Variants in LMBR1 observed in about 807,000 individuals in gnomAD.
LMBR1 encodes limb development membrane protein 1.
Under a neutral mutation model 73.9 loss-of-function variants are expected in LMBR1, and 52 were observed. The observed-to-expected ratio is 0.70, with a 90% CI of 0.56 to 0.89. The LOEUF is 0.89. Among genes scored for constraint, LMBR1 ranks in the 40% least tolerant of loss-of-function variants. LMBR1 has a pLI of 0.00. For synonymous variants in LMBR1, 215 were observed against 209.4 expected (o/e 1.03, Z -0.23); for missense variants, 539 against 579.8 (o/e 0.93, Z 0.72).
chr7:156,726,488 T>A (rs1473292386), intron 12 of LMBR1, among the ~76,000 whole-genome samples: 1 of 152,028 alleles, frequency 6.6e-6, no homozygotes, highest in Non-Finnish European at 1.5e-5. Flanking sequence ...AAAGTTACTA[T>A]TTTTATAATT....
At chr7:156,863,296 G>A (rs1563563126) in intron 1 of LMBR1, among the ~76,000 whole-genome samples, 1 of 151,762 alleles carries the variant, frequency 6.6e-6, no homozygotes, top group African/African-American at 2.4e-5. Context: ...TCCAGCATGA[G>A]AGAAAGATGT....
chr7:156,706,158 T>TA (rs35109142), intron 15 of LMBR1, among the ~76,000 whole-genome samples: 10,549 of 133,364 alleles, frequency 0.079, 415 homozygotes, highest in East Asian at 0.15. Context: ...CAAAAACAGT[T>TA]AAAAAAAAAA....
At chr7:156,724,030 AT>A in intron 15 of LMBR1, 81 bp downstream of exon 15, 1 of 944,830 alleles carries the variant, frequency 1.1e-6, no homozygotes, top group Non-Finnish European at 1.6e-6. Context: ...GGTAATCTTT[AT>A]GAGTAAATGT....
chr7:156,858,093 T>TA (rs1341980045), intron 1 of LMBR1, among the ~76,000 whole-genome samples: 1 of 143,874 alleles, frequency 7.0e-6, no homozygotes, highest in Non-Finnish European at 1.5e-5. Context: ...AAAAAAAGTT[T>TA]AAAAAAAGCA....
intron 15 of LMBR1, among the ~76,000 whole-genome samples, chr7:156,720,860 T>C (rs373618623): frequency 2.6e-5 from 4 of 152,176 alleles, no homozygotes; most frequent in South Asian, 4.1e-4. Flanking sequence ...GCTAAGCCTC[T>C]GTGAAAGCAT....
intron 5 of LMBR1, among the ~76,000 whole-genome samples, chr7:156,771,952 A>C (rs2133063728): frequency 6.6e-6 from 1 of 152,252 alleles, no homozygotes; most frequent in South Asian, 2.1e-4. Flanking sequence ...AATAAATGTG[A>C]TTCATCAAAT....
chr7:156,824,678 C>CA (rs983711415), intron 4 of LMBR1, among the ~76,000 whole-genome samples: 7 of 151,360 alleles, frequency 4.6e-5, no homozygotes, highest in South Asian at 2.1e-4. Context: ...CCTGTCTCTA[C>CA]AAAAAAAACA....
At chr7:156,739,054 G>A (rs1818417115) in intron 9 of LMBR1, among the ~76,000 whole-genome samples, 1 of 152,126 alleles carries the variant, frequency 6.6e-6, no homozygotes, top group Non-Finnish European at 1.5e-5. Flanking sequence ...CTAGGCTATT[G>A]AACAGCATTT....
At chr7:156,805,319 C>T (rs144494579) in intron 4 of LMBR1, among the ~76,000 whole-genome samples, 4,855 of 150,620 alleles carry the variant, frequency 0.032, 122 homozygotes, top group South Asian at 0.084. Flanking sequence ...CAGGTTCAAG[C>T]GATTCTCCTG....
rs899857236 is a variant in LMBR1 at position 156,672,022 on chromosome 7, G to C, written n.867-2735C>G. Among the ~76,000 whole-genome samples, 24 of 151,724 alleles carry C rather than the reference G, an allele frequency of 1.6e-4. 1 individual carries two copies. The highest frequency in any genetic ancestry group is 1.8e-4 in the Non-Finnish European group (12 of 67,894). Reference sequence around the variant, plus strand: ...CTTGTGGAAAGGAATATTTGCGTCTGCCATGCTAGGTTTTCTTCTGTGGAA... The same window carrying C: ...CTTGTGGAAAGGAATATTTGCGTCTCCCATGCTAGGTTTTCTTCTGTGGAA... On this transcript the variant is annotated intron_variant and non_coding_transcript_variant, in intron 4 of 4. Coordinates refer to the LMBR1 transcript ENST00000430825.
chr7:156,711,435 A>C (rs969199831), intron 15 of LMBR1, among the ~76,000 whole-genome samples: 1 of 152,196 alleles, frequency 6.6e-6, no homozygotes, highest in Admixed American at 6.5e-5. Context: ...TACTGCAAAC[A>C]ATCTATAGAT....
chr7:156,853,220 G>A (rs1796490488), intron 1 of LMBR1, among the ~76,000 whole-genome samples: 2 of 152,040 alleles, frequency 1.3e-5, no homozygotes, highest in South Asian at 4.1e-4. Context: ...TTACAGGCGT[G>A]AGCCACCGCA....
At chr7:156,671,233 T>C (rs2131647988) in intron 4 of LMBR1, among the ~76,000 whole-genome samples, 1 of 152,288 alleles carries the variant, frequency 6.6e-6, no homozygotes, top group East Asian at 1.9e-4. Flanking sequence ...GGTGCACCGT[T>C]TGTCTGTCAG....
chr7:156,831,917 G>GTT (rs1836766319), intron 3 of LMBR1, among the ~76,000 whole-genome samples: 1 of 152,176 alleles, frequency 6.6e-6, no homozygotes, highest in Non-Finnish European at 1.5e-5. Flanking sequence ...CACCTAGAGG[G>GTT]TTTCACATGG....
intron 8 of LMBR1, among the ~76,000 whole-genome samples, chr7:156,760,515 G>C (rs1217169578): frequency 6.6e-6 from 1 of 152,148 alleles, no homozygotes; most frequent in Non-Finnish European, 1.5e-5. Flanking sequence ...TTAAACATTT[G>C]CCTATAGTTA....
chr7:156,799,948 T>C (rs1404674210), intron 4 of LMBR1, among the ~76,000 whole-genome samples: 1 of 152,204 alleles, frequency 6.6e-6, no homozygotes, highest in African/African-American at 2.4e-5. Context: ...AGGTTGTAAC[T>C]CTTCACATCT....
At chr7:156,849,760 C>T (rs1272805706) in intron 1 of LMBR1, among the ~76,000 whole-genome samples, 1 of 152,114 alleles carries the variant, frequency 6.6e-6, no homozygotes, top group African/African-American at 2.4e-5. Context: ...AGGTTAGATA[C>T]ATGTTCTTAT....
chr7:156,675,591 A>T, downstream of LMBR1: 3 of 844,950 alleles, frequency 3.6e-6, no homozygotes, highest in South Asian at 4.7e-5. Context: ...ATTCGAAGAC[A>T]GAGACGAGGA....
At chr7:156,677,414 C>G (rs1804271220), downstream of LMBR1, among the ~76,000 whole-genome samples, 1 of 152,178 alleles carries the variant, frequency 6.6e-6, no homozygotes, top group South Asian at 2.1e-4. Flanking sequence ...ATGTGTGACC[C>G]TGGCTCCTTT....
Sources: gnomAD v4.1 joint callset for allele counts (sites outside exome capture counted in the v4.1 genomes callset) on GRCh38, gnomAD v4.1.1 for gene constraint, MANE v1.5 for transcripts, NCBI Gene and HGNC (gene_info 2026-07-23, HGNC 2026-07-21) for gene names.